MYBBP1A: variants seen among roughly 807,000 people sequenced by gnomAD.
The protein encoded by MYBBP1A is MYB binding protein 1a, also known as myb-binding protein 1A.
In MYBBP1A, 147 loss-of-function variants were observed where a neutral mutation model predicts 136.3. The ratio of observed to expected loss-of-function variants is 1.08; its 90% CI spans 0.94 to 1.24. The LOEUF is 1.24. Ranked by LOEUF, MYBBP1A falls within the 50% of genes most tolerant of loss-of-function variation. The pLI is 0.00. For synonymous variants in MYBBP1A, 947 were observed against 735.8 expected (o/e 1.29, Z -4.65); for missense variants, 2,060 against 1,727.4 (o/e 1.19, Z -3.41).
At position 4,552,205 on chromosome 17, in the gene MYBBP1A, T is replaced by C. The variant is rs7206974; in HGVS notation, c.825A>G (p.Ala275=). ...ACCGTGGGAACTTGTCTTCCTTGAGTGCCAGGCGGAGCAGGTCCAGAGCAA... is the reference window on the plus strand; with the variant it reads ...ACCGTGGGAACTTGTCTTCCTTGAGCGCCAGGCGGAGCAGGTCCAGAGCAA... The part of the protein sequence containing the change: ...PAIALDLLRL[A]LKEDKFPRFW... Residue 275 remains alanine, a synonymous_variant, in exon 7 of 26, where the codon GCA becomes GCG. Transcript: ENST00000254718. This position sits in a 1 kb window ranked among gnomAD's most constrained non-coding sequence, Gnocchi z 4.7. 1,611,754 of 1,614,252 alleles carry C rather than the reference T, an allele frequency of 1. 804,662 individuals carry two copies. The highest frequency in any genetic ancestry group is 1 in the Middle Eastern group (6,062 of 6,062).
intron 22 of MYBBP1A, chr17:4,542,115 C>T: frequency 1.7e-6 from 1 of 590,362 alleles, no homozygotes; most frequent in Non-Finnish European, 3.0e-6. Flanking sequence ...TGGGACAATT[C>T]CTGCCCATTA....
chr17:4,550,350 G>A lies in MYBBP1A; in HGVS notation c.1027C>T (p.Pro343Ser), dbSNP rs772625983. The A allele has an allele frequency of 1.2e-6, 2 of 1,610,300 alleles. No homozygotes were observed. Among genetic ancestry groups the A allele is most frequent in the South Asian group, 2.2e-5 (2 of 90,852 alleles). Residue 343 changes from proline (P) to serine (S), a missense_variant, in exon 9 of 26, where the codon CCA becomes TCA. Transcript: ENST00000254718. Reference protein sequence around the residue: ...YGEHVCTAKLPKQFKFAPEMD... With the variant: ...YGEHVCTAKLSKQFKFAPEMD... Reference sequence around the variant, plus strand: ...TCTGGGGCAAACTTGAACTGCTTTGGGAGCTGCAAGAGTTAGGCATGGCGC... The same window carrying A: ...TCTGGGGCAAACTTGAACTGCTTTGAGAGCTGCAAGAGTTAGGCATGGCGC...
At chr17:4,551,322 A>ACATGGGCGGGGGCGG (rs751610924) in intron 8 of MYBBP1A, among the ~76,000 whole-genome samples, 1 of 152,260 alleles carries the variant, frequency 6.6e-6, no homozygotes, top group Non-Finnish European at 1.5e-5. Flanking sequence ...CATCACTGCC[A>ACATGGGCGGGGGCGG]CATGGGCGGG....
chr17:4,550,339 G>T lies in MYBBP1A; in HGVS notation c.1038C>A (p.Phe346Leu). Residue 346 changes from phenylalanine (F) to leucine (L), a missense_variant, in exon 9 of 26, where the codon TTC becomes TTA. Phe to Leu is a conservative substitution (Grantham distance 22, BLOSUM62 0). Transcript: ENST00000254718. ...HVCTAKLPKQFKFAPEMDDYV... is the reference protein window; with the variant it reads ...HVCTAKLPKQLKFAPEMDDYV... ...AATCGTCCATCTCTGGGGCAAACTTGAACTGCTTTGGGAGCTGCAAGAGTT... is the reference window on the plus strand; with the variant it reads ...AATCGTCCATCTCTGGGGCAAACTTTAACTGCTTTGGGAGCTGCAAGAGTT... The T allele has an allele frequency of 1.2e-6, 2 of 1,612,270 alleles. No individual in the cohort carries two copies. The highest frequency in any genetic ancestry group is 1.7e-6 in the Non-Finnish European group (2 of 1,179,578).
chr17:4,539,221 C>T lies in MYBBP1A; in HGVS notation c.*194G>A. The T allele has an allele frequency of 6.8e-7, 1 of 1,461,610 alleles. No homozygotes were observed. The allele number at this position is 1,461,610 out of a possible 1,614,324, so 90.5% of individuals were successfully genotyped here. On this transcript the variant is annotated 3_prime_UTR_variant, in exon 26 of 26. Coordinates refer to ENST00000254718, the MANE Select transcript of MYBBP1A (RefSeq NM_014520.4). ...CCGGGGGTGGGGAGGTCTCTGCACC[C>T]TGGGACCCCTGCAGGAATGGCTCAG... is the stretch of plus-strand genomic sequence containing the variant.
chr17:4,545,333 C>T lies in MYBBP1A; in HGVS notation c.2086G>A (p.Glu696Lys), dbSNP rs762203998. The change falls in exon 16 of 26, where the codon GAG becomes AAG. Residue 696 changes from glutamate to lysine, a missense_variant. Transcript: ENST00000254718. ...CGGTCATTCTCATCCTCACTGGTCT[C>T]GGGGTTCAGCACCTGGGGAGGGGTG... is the stretch of plus-strand genomic sequence containing the variant. ...LQLILDVLNP[E>K]TSEDENDRVV... 38 of 1,613,198 alleles carry T rather than the reference C, an allele frequency of 2.4e-5. No individual in the cohort carries two copies. The highest frequency in any genetic ancestry group is 2.2e-4 in the East Asian group (10 of 44,856).
chr17:4,542,753 G>A lies in MYBBP1A; in HGVS notation c.2893-12C>T. On this transcript the variant is annotated splice_polypyrimidine_tract_variant and intron_variant, in intron 20 of 25. Transcript: ENST00000254718. ...AAGCAGCTGGCAGCCTAGGCCAGGG[G>A]AGAGCGAGCTGGGTGAGGCCAGGAG... 6.2e-7 allele frequency: 1 copy of A among 1,613,422 alleles called. No homozygotes were observed. The highest frequency in any genetic ancestry group is 8.5e-7 in the Non-Finnish European group (1 of 1,179,618).
At position 4,539,119 on chromosome 17, in the gene MYBBP1A, A is replaced by G. The variant is rs918488103; in HGVS notation, c.*296T>C. The G allele has an allele frequency of 6.6e-7, 1 of 1,506,276 alleles. No homozygotes were observed. The highest frequency in any genetic ancestry group is 1.9e-4 in the Middle Eastern group (1 of 5,358). The allele number at this position is 1,506,276 out of a possible 1,614,324, so 93.3% of individuals were successfully genotyped here. A position where few individuals can be genotyped will look rare whatever the true frequency, so the allele number is the denominator to read the frequency against. The stretch of plus-strand genomic sequence containing the variant: ...GAGATGGTCACACCTGCCTGCAGCC[A>G]GCACATCAACCTGCACCAACCCAGG... On this transcript the variant is annotated 3_prime_UTR_variant, in exon 26 of 26. Transcript: ENST00000254718.
At position 4,550,278 on chromosome 17, in the gene MYBBP1A, G is replaced by A; in HGVS notation, c.1099C>T (p.Pro367Ser). The change falls in exon 9 of 26, where the codon CCT (proline) becomes TCT (serine). Residue 367 changes from proline to serine, a missense_variant. Coordinates refer to ENST00000254718, the MANE Select transcript of MYBBP1A (RefSeq NM_014520.4). ...ACTAGCACGGCCAGCTGCCGCTCAG[G>A]GTCATCCTGGCACCCCTCTAGGAAG... ...GTFLEGCQDD[P>S]ERQLAVLVAF... 1 of 1,613,544 alleles carries A rather than the reference G, an allele frequency of 6.2e-7. No individual in the cohort carries two copies. The highest frequency in any genetic ancestry group is 8.5e-7 in the Non-Finnish European group (1 of 1,180,022).
In MYBBP1A at chr17:4,542,780, G is replaced by A. The variant is rs201549470; in HGVS notation, c.2893-39C>T. 7.8e-4 allele frequency: 1,259 copies of A among 1,608,316 alleles called. 3 individuals are homozygous for A. The highest frequency in any genetic ancestry group is 9.6e-4 in the Non-Finnish European group (1,133 of 1,176,274). On this transcript the variant is annotated intron_variant, in intron 20 of 25. Coordinates refer to ENST00000254718, the MANE Select transcript of MYBBP1A (RefSeq NM_014520.4). Reference sequence around the variant, plus strand: ...GAGCGAGCTGGGTGAGGCCAGGAGAGGGGTCCCTGGGATGGGAGCAGAGCC... The same window carrying A: ...GAGCGAGCTGGGTGAGGCCAGGAGAAGGGTCCCTGGGATGGGAGCAGAGCC...
In MYBBP1A at chr17:4,544,541, T is replaced by C. The variant is rs1233177254; in HGVS notation, c.2587A>G (p.Ser863Gly). Residue 863 changes from serine to glycine, a missense_variant, in exon 19 of 26, where the codon AGC becomes GGC. Physicochemically the swap from Ser to Gly is moderately conservative, Grantham distance 56. Coordinates refer to ENST00000254718, the MANE Select transcript of MYBBP1A (RefSeq NM_014520.4). ...AGGTCCTGCTCCTGTTTGGAGCTGC[T>C]GCTGCGCAGGCTGCGCCGGATGATG... ...LSIIRRSLRS[S>G]SSKQEQDLLH... 6.4e-7 allele frequency: 1 copy of C among 1,557,710 alleles called. No individual in the cohort carries two copies. Among genetic ancestry groups the C allele is most frequent in the South Asian group, 1.2e-5 (1 of 84,552 alleles).
In MYBBP1A at chr17:4,539,783, TG is replaced by T. The variant is rs1191447269; in HGVS notation, c.3618del (p.Ser1207AlafsTer55). The T allele has an allele frequency of 1.2e-6, 2 of 1,612,566 alleles. No individual in the cohort carries two copies. Among genetic ancestry groups the T allele is most frequent in the South Asian group, 1.1e-5 (1 of 91,060 alleles). On this transcript the variant is annotated frameshift_variant, in exon 26 of 26. Transcript: ENST00000254718. LOFTEE classifies it low-confidence loss of function (END_TRUNC). ...CTGTTCCTCTTCTTCCTGCCCATGCTGGGGGGCTGGCTCCCGCCGGTGGCTG... is the reference window on the plus strand; with the variant it reads ...CTGTTCCTCTTCTTCCTGCCCATGCTGGGGGCTGGCTCCCGCCGGTGGCTG... ...TPAATGGSQP[P>X]SMGRKKRNRT...
chr17:4,548,061 CG>C lies in MYBBP1A; in HGVS notation c.1725-5del, dbSNP rs780329377. The C allele has an allele frequency of 1.3e-6, 2 of 1,581,202 alleles. No homozygotes were observed. Among genetic ancestry groups the C allele is most frequent in the African/African-American group, 1.3e-5 (1 of 74,456 alleles). On this transcript the variant is annotated splice_region_variant and splice_polypyrimidine_tract_variant and intron_variant, in intron 12 of 25. Coordinates refer to ENST00000254718, the MANE Select transcript of MYBBP1A (RefSeq NM_014520.4). The surrounding 1 kb of genome is among the most constrained non-coding windows in gnomAD (Gnocchi z 4.2). Reference sequence around the variant, plus strand: ...CTCCTTCAGAGTCTGCAGCATCCTGCGGGGAGACAGGCGATTCCCAGGCCCC... The same window carrying C: ...CTCCTTCAGAGTCTGCAGCATCCTGCGGGAGACAGGCGATTCCCAGGCCCC...
chr17:4,547,152 C>T (rs548763338), intron 13 of MYBBP1A, among the ~76,000 whole-genome samples: 2 of 152,208 alleles, frequency 1.3e-5, no homozygotes, highest in African/African-American at 2.4e-5. Context: ...CTCGTGATCA[C>T]CTGCCTTGGT....
At position 4,541,636 on chromosome 17, in the gene MYBBP1A, A is replaced by G. The variant is rs905089188; in HGVS notation, c.3196-72T>C. The G allele has an allele frequency of 2.6e-6, 4 of 1,540,430 alleles. No homozygotes were observed. The African/African-American group carries it at 5.4e-5, about 21-fold the overall frequency. On this transcript the variant is annotated intron_variant, in intron 23 of 25. Coordinates refer to ENST00000254718, the MANE Select transcript of MYBBP1A (RefSeq NM_014520.4). ...GCCTTTCTGTTTCCCAGCCGGAAGT[A>G]AAGCCCAGAGGCAGGGACCGTCTCC...
rs770006947 is a variant in MYBBP1A at position 4,552,267 on chromosome 17, C to T, written c.763G>A (p.Ala255Thr). The change falls in exon 7 of 26, where the codon GCC (alanine) becomes ACC (threonine). Residue 255 changes from alanine to threonine, a missense_variant. Coordinates refer to ENST00000254718, the MANE Select transcript of MYBBP1A (RefSeq NM_014520.4). The surrounding 1 kb of genome is among the most constrained non-coding windows in gnomAD (Gnocchi z 4.7). ...TTGCGGTCCTTCTTCACAGAGGAGG[C>T]GGCCATCTTCAGCACATTCACCAGC... ...PRLVNVLKMAASSVKKDRKLP... is the reference protein window; with the variant it reads ...PRLVNVLKMATSSVKKDRKLP... 3.8e-5 allele frequency: 62 copies of T among 1,614,072 alleles called. No individual in the cohort carries two copies. Among genetic ancestry groups the T allele is most frequent in the Middle Eastern group, 3.3e-4 (2 of 6,060 alleles).
chr17:4,555,257 G>A lies in MYBBP1A; in HGVS notation c.68C>T (p.Ala23Val), dbSNP rs369952748. Residue 23 changes from alanine to valine, a missense_variant, in exon 1 of 26, where the codon GCC becomes GTC. Ala to Val is a moderately conservative substitution (Grantham distance 64). Coordinates refer to ENST00000254718, the MANE Select transcript of MYBBP1A (RefSeq NM_014520.4). ...GTGCTTCAATAGGCCATAGCGGTCG[G>A]CAGGCCGGGCGCCACTCTGCGTCGC... ...GEATQSGARPADRYGLLKHSR... is the reference protein window; with the variant it reads ...GEATQSGARPVDRYGLLKHSR... 16 of 1,611,594 alleles carry A rather than the reference G, an allele frequency of 9.9e-6. No individual in the cohort carries two copies. The African/African-American group carries it at 1.9e-4, about 19-fold the overall frequency.
At chr17:4,541,697 G>T in intron 23 of MYBBP1A, 87 bp downstream of exon 23, 1 of 1,456,618 alleles carries the variant, frequency 6.9e-7, no homozygotes, top group Non-Finnish European at 9.6e-7. Flanking sequence ...CTGGACTCAG[G>T]CTCCAATCCT....
Position 4,545,038 on chromosome 17 carries a change from A to G in MYBBP1A, c.2298T>C (p.Ala766=), listed in dbSNP as rs1286378050. 1 of 1,061,296 alleles carries G rather than the reference A, an allele frequency of 9.4e-7. No individual in the cohort carries two copies. The highest frequency in any genetic ancestry group is 1.1e-6 in the Non-Finnish European group (1 of 872,126). The allele number at this position is 1,061,296 out of a possible 1,614,324, so 65.7% of individuals were successfully genotyped here. A position where few individuals can be genotyped will look rare whatever the true frequency, so the allele number is the denominator to read the frequency against. ...FREQLMTVLQ[A]GKALGGEDSE... ...CTCCCCCACTCACCAGCGCCTTCCC[A>G]GCCTGCAGCACGGTCATCAGCTGTT... The change falls in exon 17 of 26, where the codon GCT becomes GCC. Residue 766 remains alanine, a synonymous_variant. Transcript: ENST00000254718.
Sources: gnomAD v4.1 joint callset for allele counts (sites outside exome capture counted in the v4.1 genomes callset) on GRCh38, gnomAD v4.1.1 for gene constraint, Gnocchi (gnomAD v3.1) non-coding constraint, MANE v1.5 for transcripts, NCBI Gene and HGNC (gene_info 2026-07-23, HGNC 2026-07-21) for gene names.